PHLPP1: variants seen among roughly 807,000 people sequenced by gnomAD.
PHLPP1 encodes the protein PH domain leucine-rich repeat-containing protein phosphatase 1.
A neutral mutation model predicts 117.2 loss-of-function variants in PHLPP1; 42 were observed. That is an observed-to-expected ratio of 0.36 (90% CI 0.28 to 0.46). PHLPP1 has a LOEUF of 0.46. Among genes scored for constraint, PHLPP1 ranks in the 20% least tolerant of loss-of-function variants. The pLI is 1.00. For synonymous variants in PHLPP1, 1,042 were observed against 970.7 expected (o/e 1.07, Z -1.37); for missense variants, 2,084 against 2,241.9 (o/e 0.93, Z 1.42).
chr18:62,723,795 A>C (rs1910990142), intron 1 of PHLPP1, among the ~76,000 whole-genome samples: 1 of 152,144 alleles, frequency 6.6e-6, no homozygotes, highest in Non-Finnish European at 1.5e-5. Context: ...GTAGTCTGAG[A>C]GTTGGGAAAC....
At chr18:62,965,032 C>T (rs942849059) in intron 14 of PHLPP1, among the ~76,000 whole-genome samples, 1 of 151,490 alleles carries the variant, frequency 6.6e-6, no homozygotes, top group Non-Finnish European at 1.5e-5. Flanking sequence ...CACCTGTATC[C>T]AGAAATAAAA....
intron 1 of PHLPP1, among the ~76,000 whole-genome samples, chr18:62,754,618 T>C (rs1911956309): frequency 6.6e-6 from 1 of 152,170 alleles, no homozygotes; most frequent in South Asian, 2.1e-4. Flanking sequence ...GTATCAAAAG[T>C]AGGCCTCTCC....
chr18:62,824,131 C>CAAA (rs34639796), intron 1 of PHLPP1: 124 of 347,842 alleles, frequency 3.6e-4, no homozygotes, highest in East Asian at 5.4e-4. Flanking sequence ...AACTCCGTCT[C>CAAA]AAAAAAAAAA....
At chr18:62,938,968 T>A (rs1394128008) in intron 10 of PHLPP1, among the ~76,000 whole-genome samples, 2 of 144,512 alleles carry the variant, frequency 1.4e-5, no homozygotes, top group Non-Finnish European at 3.0e-5. Flanking sequence ...ATTCTATTTT[T>A]GTCTTTTTTC....
intron 12 of PHLPP1, 140 bp from the exon 13 acceptor site, chr18:62,958,489 A>G (rs1482021673): frequency 5.5e-6 from 4 of 726,432 alleles, no homozygotes; most frequent in Middle Eastern, 3.9e-4. Flanking sequence ...AAAGTAACAG[A>G]TAAGCCTCCT....
intron 8 of PHLPP1, among the ~76,000 whole-genome samples, chr18:62,913,171 G>C (rs968287641): frequency 6.6e-6 from 1 of 152,080 alleles, no homozygotes; most frequent in African/African-American, 2.4e-5. Context: ...TACTAGGTCA[G>C]GTTCCTCCAT....
At chr18:62,891,617 C>T (rs560224704) in intron 4 of PHLPP1, among the ~76,000 whole-genome samples, 3 of 151,026 alleles carry the variant, frequency 2.0e-5, no homozygotes, top group South Asian at 2.1e-4. Context: ...AGGGTAGGCA[C>T]GATGACTCAT....
At chr18:62,959,986 A>AG (rs2144477536) in intron 13 of PHLPP1, among the ~76,000 whole-genome samples, 1 of 152,292 alleles carries the variant, frequency 6.6e-6, no homozygotes, top group African/African-American at 2.4e-5. Flanking sequence ...CTATAAGATG[A>AG]GAAAAAAAAT....
intron 1 of PHLPP1, among the ~76,000 whole-genome samples, chr18:62,782,560 A>T (rs1472878032): frequency 1.3e-5 from 2 of 152,248 alleles, no homozygotes; most frequent in African/African-American, 2.4e-5. Flanking sequence ...TTTAATTTAC[A>T]TGAATTCAGC....
chr18:62,899,587 A>G (rs1257323450), intron 6 of PHLPP1, among the ~76,000 whole-genome samples: 1 of 152,204 alleles, frequency 6.6e-6, no homozygotes, highest in African/African-American at 2.4e-5. Flanking sequence ...CCTGTATTTT[A>G]TAAAACATAT....
intron 14 of PHLPP1, among the ~76,000 whole-genome samples, chr18:62,964,855 A>G (rs1910859790): frequency 1.3e-5 from 2 of 152,208 alleles, no homozygotes; most frequent in South Asian, 2.1e-4. Context: ...GTATATTAAT[A>G]TCTAATATCT....
chr18:62,780,865 A>C (rs183656466), intron 1 of PHLPP1, among the ~76,000 whole-genome samples: 150 of 152,312 alleles, frequency 9.8e-4, no homozygotes, highest in African/African-American at 3.5e-3. Flanking sequence ...CCCTCATGCT[A>C]TATGATACCT....
At chr18:62,932,356 A>C (rs116038078) in intron 10 of PHLPP1, among the ~76,000 whole-genome samples, 1,710 of 152,284 alleles carry the variant, frequency 0.011, 35 homozygotes, top group African/African-American at 0.038. Context: ...GAACATAGAC[A>C]CAAAAATCTT....
intron 1 of PHLPP1, among the ~76,000 whole-genome samples, chr18:62,737,257 G>A (rs1011816787): frequency 6.6e-6 from 1 of 152,186 alleles, no homozygotes; most frequent in African/African-American, 2.4e-5. Flanking sequence ...TGTGGGTGGG[G>A]AATGGTGAGT....
chr18:62,715,728 C>T lies in PHLPP1; in HGVS notation c.45C>T (p.Leu15=), dbSNP rs1910697369. 8.1e-7 allele frequency: 1 copy of T among 1,228,164 alleles called. No individual in the cohort carries two copies. Among genetic ancestry groups the T allele is most frequent in the East Asian group, 3.4e-5 (1 of 28,990 alleles). The allele number at this position is 1,228,164 out of a possible 1,614,324, so 76.1% of individuals were successfully genotyped here. ...CCACGGTACAGCGACTCCCCGAGCT[C>T]GGCAGGGAGGACCGAGCTTCGGCTC... ...AAATVQRLPE[L]GREDRASAPA... Residue 15 remains leucine, a synonymous_variant, in exon 1 of 17, where the codon CTC becomes CTT. Coordinates refer to ENST00000262719, the MANE Select transcript of PHLPP1 (RefSeq NM_194449.4).
In PHLPP1 at chr18:62,753,600, C is replaced by T. The variant is rs1420844265; in HGVS notation, c.1576+36341C>T. Among the ~76,000 whole-genome samples the T allele has an allele frequency of 2.0e-5, 3 of 152,176 alleles. No homozygotes were observed. The East Asian group carries it at 5.8e-4, about 29-fold the overall frequency. On this transcript the variant is annotated intron_variant, in intron 1 of 16. Coordinates refer to ENST00000262719, the MANE Select transcript of PHLPP1 (RefSeq NM_194449.4). The stretch of plus-strand genomic sequence containing the variant: ...TGTGTAGCTGCATTCAGGTGCTCTA[C>T]TAAATAGTGGGACTTTAGAAATTCA...
intron 4 of PHLPP1, among the ~76,000 whole-genome samples, chr18:62,883,168 T>C (rs1454097211): frequency 6.6e-6 from 1 of 152,100 alleles, no homozygotes. Context: ...GAGAGGACCT[T>C]CTCAAGCAAA....
intron 4 of PHLPP1, among the ~76,000 whole-genome samples, chr18:62,883,916 TC>T (rs1295632866): frequency 1.3e-5 from 2 of 152,256 alleles, no homozygotes; most frequent in African/African-American, 4.8e-5. Flanking sequence ...ATTTTCAGAG[TC>T]TCTTGGATTT....
chr18:62,904,019 G>A (rs764603389), intron 7 of PHLPP1, among the ~76,000 whole-genome samples: 21 of 152,318 alleles, frequency 1.4e-4, no homozygotes, highest in Middle Eastern at 3.4e-3. Context: ...TTGAACATAT[G>A]TTTATCACGC....
Sources: gnomAD v4.1 joint callset for allele counts (sites outside exome capture counted in the v4.1 genomes callset) on GRCh38, gnomAD v4.1.1 for gene constraint, MANE v1.5 for transcripts, NCBI Gene and HGNC (gene_info 2026-07-23, HGNC 2026-07-21) for gene names.